NUP155: variants seen among roughly 807,000 people sequenced by gnomAD.
NUP155 encodes the protein nucleoporin 155.
In NUP155, 71 loss-of-function variants were observed where a neutral mutation model predicts 180.4. The ratio of observed to expected loss-of-function variants is 0.39; its 90% CI spans 0.33 to 0.48. The LOEUF (loss-of-function observed/expected upper bound fraction) is 0.48, where lower values mean the gene tolerates loss of function less well. Ranked by LOEUF, NUP155 falls within the 20% of genes least tolerant of loss-of-function variation. The pLI is 0.91. For missense variants in NUP155, 1,553 were observed against 1,648.9 expected (o/e 0.94, Z 1.01); for synonymous variants, 582 against 559.5 (o/e 1.04, Z -0.57).
chr5:37,297,124 T>C (rs1173739401), intron 32 of NUP155, among the ~76,000 whole-genome samples: 2 of 152,106 alleles, frequency 1.3e-5, no homozygotes, highest in African/African-American at 4.8e-5. Context: ...AAGTAAAACA[T>C]AGAAATCCTC....
intron 12 of NUP155, among the ~76,000 whole-genome samples, chr5:37,334,055 CCTCCCAAAGCG>C (rs1183349725): frequency 2.6e-5 from 4 of 151,760 alleles, no homozygotes; most frequent in Admixed American, 2.6e-4. Flanking sequence ...CCCACCTCGG[CCTCCCAAAGCG>C]CTGGGATTAC....
At chr5:37,334,750 T>C (rs760641952) in intron 12 of NUP155, among the ~76,000 whole-genome samples, 32 of 152,200 alleles carry the variant, frequency 2.1e-4, no homozygotes, top group Non-Finnish European at 3.7e-4. Flanking sequence ...CAAACTTTTC[T>C]CAAGATAAAC....
At chr5:37,341,787 G>A (rs1367228787) in intron 10 of NUP155, among the ~76,000 whole-genome samples, 6 of 152,054 alleles carry the variant, frequency 3.9e-5, no homozygotes, top group Non-Finnish European at 8.8e-5. Context: ...GGATCCACCC[G>A]CCTTGGCCTC....
chr5:37,297,324 G>A, intron 32 of NUP155, among the ~76,000 whole-genome samples: 1 of 151,978 alleles, frequency 6.6e-6, no homozygotes, highest in Middle Eastern at 3.4e-3. Flanking sequence ...AAGCCCACAT[G>A]ATTATTTCTA....
intron 12 of NUP155, among the ~76,000 whole-genome samples, chr5:37,334,263 C>A (rs191525962): frequency 6.1e-4 from 93 of 152,136 alleles, no homozygotes; most frequent in South Asian, 5.0e-3. Context: ...CTACCACGGC[C>A]GCCTAATTTT....
chr5:37,325,580 G>T (rs1744539541), intron 19 of NUP155, among the ~76,000 whole-genome samples: 1 of 151,578 alleles, frequency 6.6e-6, no homozygotes, highest in African/African-American at 2.4e-5. Context: ...ACTGGCCTGG[G>T]CAACATGGTG....
At chr5:37,350,624 T>C (rs758665184) in intron 6 of NUP155, among the ~76,000 whole-genome samples, 1 of 151,976 alleles carries the variant, frequency 6.6e-6, no homozygotes, top group Non-Finnish European at 1.5e-5. Context: ...GCCAACATGA[T>C]GAAACTCTGC....
chr5:37,361,265 C>CAA (rs35489900), intron 3 of NUP155, among the ~76,000 whole-genome samples: 1,014 of 77,786 alleles, frequency 0.013, 28 homozygotes, highest in African/African-American at 0.037. Context: ...GACTCTGTCT[C>CAA]AAAAAAAAAA....
chr5:37,326,647 A>T (rs1016551113), intron 18 of NUP155, among the ~76,000 whole-genome samples: 1 of 152,214 alleles, frequency 6.6e-6, no homozygotes, highest in South Asian at 2.1e-4. Context: ...AAGCTGTTTC[A>T]TCTTGGGCCA....
intron 32 of NUP155, among the ~76,000 whole-genome samples, chr5:37,296,053 G>T (rs170050): frequency 2.8e-5 from 4 of 144,208 alleles, no homozygotes; most frequent in Non-Finnish European, 3.1e-5. Context: ...GGAGGGAGGT[G>T]GGGGGGTCAG....
chr5:37,364,888 G>A (rs1012128638), intron 1 of NUP155, among the ~76,000 whole-genome samples: 16 of 151,504 alleles, frequency 1.1e-4, no homozygotes, highest in African/African-American at 2.7e-4. Flanking sequence ...CGCCCGCCTC[G>A]GCCTCCCAAA....
chr5:37,297,879 GAGGGAAT>G lies in NUP155; in HGVS notation c.3793+982_3793+988del, dbSNP rs1447700788. ...ATGGTTTTATTTCTGACTATGTCCA[GAGGGAAT>G]AGACCCTAAGTCAGAGATGGTCTGT... On this transcript the variant is annotated intron_variant, in intron 32 of 34. Transcript: ENST00000231498. Among the ~76,000 whole-genome samples the G allele has an allele frequency of 6.0e-5, 9 of 149,188 alleles. No individual in the cohort carries two copies. In the Admixed American group the frequency reaches 6.1e-4, roughly 10 times the overall value.
Position 37,290,607 on chromosome 5 carries a change from A to T in NUP155, c.*1293T>A, listed in dbSNP as rs1448503502. 4 of 152,222 alleles carry T rather than the reference A, an allele frequency of 2.6e-5. No homozygotes were observed. The highest frequency in any genetic ancestry group is 2.6e-4 in the Admixed American group (4 of 15,272). The allele number at this position is 152,222 out of a possible 1,614,324, so 9.4% of individuals were successfully genotyped here. On this transcript the variant is annotated 3_prime_UTR_variant, in exon 35 of 35. Transcript: ENST00000231498. Reference sequence around the variant, plus strand: ...TATTCTATTTTGTTAAGGAATAATTAAAAAGTACATTACTAACAGTTTTGC... The same window carrying T: ...TATTCTATTTTGTTAAGGAATAATTTAAAAGTACATTACTAACAGTTTTGC...
chr5:37,343,588 T>C (rs1441524450), intron 9 of NUP155, among the ~76,000 whole-genome samples: 2 of 152,050 alleles, frequency 1.3e-5, no homozygotes, highest in Non-Finnish European at 2.9e-5. Context: ...GTATCATTAC[T>C]GCTAATTAAA....
intron 3 of NUP155, among the ~76,000 whole-genome samples, chr5:37,359,638 CTACT>C (rs1747069327): frequency 6.6e-6 from 1 of 152,096 alleles, no homozygotes; most frequent in South Asian, 2.1e-4. Context: ...ATACCACTTG[CTACT>C]TACTTACAGT....
At chr5:37,300,452 A>G (rs1195388108) in intron 30 of NUP155, among the ~76,000 whole-genome samples, 2 of 152,088 alleles carry the variant, frequency 1.3e-5, no homozygotes, top group Admixed American at 1.3e-4. Context: ...CTAGTGTTGT[A>G]TAAACAATGG....
intron 20 of NUP155, among the ~76,000 whole-genome samples, chr5:37,322,150 G>A (rs987463981): frequency 1.3e-5 from 2 of 151,912 alleles, no homozygotes; most frequent in East Asian, 2.0e-4. Context: ...CATCACGCCC[G>A]GCCTATTTAT....
intron 4 of NUP155, among the ~76,000 whole-genome samples, chr5:37,353,496 T>C (rs140610833): frequency 0.029 from 4,359 of 151,990 alleles, 223 homozygotes; most frequent in African/African-American, 0.099. Flanking sequence ...GCAGGAGAAT[T>C]GCTTGAACCC....
chr5:37,361,012 T>C (rs1747181163), intron 3 of NUP155, among the ~76,000 whole-genome samples: 1 of 152,030 alleles, frequency 6.6e-6, no homozygotes, highest in Non-Finnish European at 1.5e-5. Context: ...CTCATGCTTG[T>C]AATCCCAGCA....
Sources: allele counts gnomAD v4.1 joint callset (sites outside exome capture counted in the v4.1 genomes callset), GRCh38; gene constraint gnomAD v4.1.1; transcripts MANE v1.5; gene names NCBI Gene and HGNC (gene_info 2026-07-23, HGNC 2026-07-21).